Variants in CLEC4F observed in about 807,000 individuals in gnomAD.
CLEC4F encodes the protein C-type (calcium dependent, carbohydrate-recognition domain) lectin, superfamily member 13.
In CLEC4F, 45 loss-of-function variants were observed where a neutral mutation model predicts 53.4. The ratio of observed to expected loss-of-function variants is 0.84; its 90% CI spans 0.66 to 1.08. The LOEUF (loss-of-function observed/expected upper bound fraction) is 1.08. Among genes scored for constraint, CLEC4F ranks in the 50% least tolerant of loss-of-function variants. CLEC4F has a pLI of 0.00. For missense variants in CLEC4F, 753 were observed against 698.2 expected (o/e 1.08, Z -0.88); for synonymous variants, 245 against 257.5 (o/e 0.95, Z 0.46).
At chr2:70,822,987 T>C (rs1297610505), upstream of CLEC4F, among the ~76,000 whole-genome samples, 1 of 152,202 alleles carries the variant, frequency 6.6e-6, no homozygotes, top group African/African-American at 2.4e-5. Flanking sequence ...GAGAACAGCT[T>C]TGGCCCAGGA....
chr2:70,815,888 G>T, intron 4 of CLEC4F, 106 bp downstream of exon 4: 1 of 1,241,300 alleles, frequency 8.1e-7, no homozygotes, highest in Non-Finnish European at 1.1e-6. Context: ...CCTGGATTTG[G>T]TCAAGGAGAT....
chr2:70,819,273 C>T (rs1370146900), intron 3 of CLEC4F, 82 bp downstream of exon 3: 39 of 1,065,478 alleles, frequency 3.7e-5, no homozygotes, highest in African/African-American at 6.2e-5. Context: ...TCAGAGGGTA[C>T]CAGGAGAGAA....
chr2:70,824,071 G>A (rs1283246769), upstream of CLEC4F, among the ~76,000 whole-genome samples: 1 of 151,288 alleles, frequency 6.6e-6, no homozygotes, highest in Non-Finnish European at 1.5e-5. Context: ...TCTACTTGGT[G>A]GGACTAAAGC....
rs202247326 is a variant in CLEC4F, at chr2:70,812,611, T to C, written c.1388-13A>G. 4.3e-5 allele frequency: 69 copies of C among 1,613,306 alleles called. No individual in the cohort carries two copies. The highest frequency in any genetic ancestry group is 4.8e-5 in the Non-Finnish European group (57 of 1,179,800). ...TGGAGAAGCTGACCTGGAGCAAAGA[T>C]TGGGGAGAAAAGAGAACCAGGAGCT... On this transcript the variant is annotated splice_polypyrimidine_tract_variant and intron_variant, in intron 4 of 6. Coordinates refer to ENST00000272367, the MANE Select transcript of CLEC4F (RefSeq NM_173535.3).
At position 70,816,626 on chromosome 2, in the gene CLEC4F, G is replaced by A. The variant is rs1574377781; in HGVS notation, c.755C>T (p.Ala252Val). The A allele has an allele frequency of 6.2e-7, 1 of 1,614,150 alleles. No individual in the cohort carries two copies. Among genetic ancestry groups the A allele is most frequent in the Non-Finnish European group, 8.5e-7 (1 of 1,180,046 alleles). The change falls in exon 4 of 7, where the codon GCT becomes GTT. Residue 252 changes from alanine to valine, a missense_variant. Physicochemically the swap from Ala to Val is moderately conservative, Grantham distance 64. Transcript: ENST00000272367. ...ATGGCCTCTCAAAACATAGATCTCA[G>A]CATTAGCGTTCTTTAAACTGCTATT... ...LANSSLKNANAEIYVLRGHLD... is the reference protein window; with the variant it reads ...LANSSLKNANVEIYVLRGHLD...
intron 5 of CLEC4F, chr2:70,810,813 C>A (rs1676516848): frequency 3.8e-6 from 2 of 525,732 alleles, no homozygotes; most frequent in Non-Finnish European, 3.7e-6. Flanking sequence ...CTTCACTTTC[C>A]CCAGAAATTG....
At position 70,816,755 on chromosome 2, in the gene CLEC4F, C is replaced by T; in HGVS notation, c.626G>A (p.Ser209Asn). The T allele has an allele frequency of 6.2e-7, 1 of 1,614,134 alleles. No individual in the cohort carries two copies. Among genetic ancestry groups the T allele is most frequent in the Non-Finnish European group, 8.5e-7 (1 of 1,180,028 alleles). The change falls in exon 4 of 7, where the codon AGC becomes AAC. Residue 209 changes from serine to asparagine, a missense_variant. Physicochemically the swap from Ser to Asn is conservative, Grantham distance 46. Transcript: ENST00000272367. The part of the protein sequence containing the change: ...NFLKSSLENT[S>N]IELHVLSRGL... ...TCTGCTTAGCACGTGGAGCTCAATGCTGGTGTTTTCTAAACTGCTTTTTAA... is the reference window on the plus strand; with the variant it reads ...TCTGCTTAGCACGTGGAGCTCAATGTTGGTGTTTTCTAAACTGCTTTTTAA...
chr2:70,809,801 C>T lies in CLEC4F; in HGVS notation c.1596G>A (p.Arg532=). ...TCCAGCGCCAGGAGCCCTCTGTGCC[C>T]CTGTCAGTGAGACCGATCCAGTAGT... ...KVYYWIGLTD[R]GTEGSWRWTD... Residue 532 remains arginine, a synonymous_variant, in exon 6 of 7, where the codon AGG becomes AGA. Transcript: ENST00000272367. 10 of 1,614,174 alleles carry T rather than the reference C, an allele frequency of 6.2e-6. No homozygotes were observed. Among genetic ancestry groups the T allele is most frequent in the South Asian group, 1.1e-5 (1 of 91,082 alleles).
At chr2:70,817,233 C>A in intron 3 of CLEC4F, 121 bp from the exon 4 acceptor site, 1 of 1,050,226 alleles carries the variant, frequency 9.5e-7, no homozygotes, top group Non-Finnish European at 1.3e-6. Context: ...GCCCTCAGTG[C>A]TCCCCCAAGC....
chr2:70,825,201 C>T (rs1677316881), upstream of CLEC4F, among the ~76,000 whole-genome samples: 2 of 152,146 alleles, frequency 1.3e-5, no homozygotes. Flanking sequence ...TACAAAGTAC[C>T]TGACCAGTGG....
intron 4 of CLEC4F, among the ~76,000 whole-genome samples, chr2:70,815,015 G>T (rs1553395434): frequency 6.6e-6 from 1 of 152,062 alleles, no homozygotes; most frequent in African/African-American, 2.4e-5. Flanking sequence ...TGAAGAAGTG[G>T]GGCCTCTGAC....
intron 1 of CLEC4F, among the ~76,000 whole-genome samples, chr2:70,820,252 C>T (rs1309947662): frequency 6.6e-6 from 1 of 152,196 alleles, no homozygotes; most frequent in Non-Finnish European, 1.5e-5. Flanking sequence ...AGGGAGGCCT[C>T]ACAGGACCAG....
intron 3 of CLEC4F, among the ~76,000 whole-genome samples, chr2:70,818,601 C>T (rs1245661213): frequency 6.6e-6 from 1 of 151,930 alleles, no homozygotes; most frequent in Non-Finnish European, 1.5e-5. Context: ...GTCCTAGCTA[C>T]TCCAGAGGCT....
rs376833956 is a variant in CLEC4F at position 70,819,375 on chromosome 2, T to G, written c.248A>C (p.His83Pro). The G allele has an allele frequency of 2.5e-6, 4 of 1,613,916 alleles. No homozygotes were observed. The highest frequency in any genetic ancestry group is 3.4e-6 in the Non-Finnish European group (4 of 1,179,998). The change falls in exon 3 of 7, where the codon CAT becomes CCT. Residue 83 changes from histidine to proline, a missense_variant. Coordinates refer to ENST00000272367, the MANE Select transcript of CLEC4F (RefSeq NM_173535.3). ...AVILGDNITG[H>P]LPFEPNNHHH... The stretch of plus-strand genomic sequence containing the variant: ...CTCACTGTTGGGTTCAAAAGGTAAA[T>G]GCCCAGTAATGTTGTCTCCCAGAAT...
At chr2:70,823,042 C>T (rs7575952), upstream of CLEC4F, among the ~76,000 whole-genome samples, 93,314 of 152,076 alleles carry the variant, frequency 0.61, 29,124 homozygotes, top group Middle Eastern at 0.71. Flanking sequence ...GCAAGCAAGT[C>T]GCCCCGTGGG....
chr2:70,817,214 T>G, intron 3 of CLEC4F, 102 bp from the exon 4 acceptor site: 6 of 1,241,584 alleles, frequency 4.8e-6, no homozygotes, highest in African/African-American at 1.5e-5. Flanking sequence ...GGGAAATGGG[T>G]ACTGCACAGC....
upstream of CLEC4F, among the ~76,000 whole-genome samples, chr2:70,823,688 A>C (rs943615074): frequency 4.6e-5 from 7 of 152,136 alleles, no homozygotes; most frequent in African/African-American, 1.4e-4. Flanking sequence ...CTATGTCTTC[A>C]CTGAGAGGCT....
At chr2:70,813,547 CTTTCT>C (rs1676690265) in intron 4 of CLEC4F, among the ~76,000 whole-genome samples, 1 of 146,960 alleles carries the variant, frequency 6.8e-6, no homozygotes, top group East Asian at 2.0e-4. Context: ...TTTTTTCTTT[CTTTCT>C]TTTTTTCTTT....
rs1553394931 is a variant in CLEC4F at position 70,813,597 on chromosome 2, C to CTTTCTTTCTTTCTTTCTTTCTT, written c.1388-1000_1388-999insAAGAAAGAAAGAAAGAAAGAAA. 9.5e-4 allele frequency among the ~76,000 whole-genome samples: 101 copies of CTTTCTTTCTTTCTTTCTTTCTT among 106,276 alleles called. 1 individual carries two copies. The highest frequency in any genetic ancestry group is 1.1e-3 in the Non-Finnish European group (61 of 53,644). The allele number at this position is 106,276 out of a possible 152,430, so 69.7% of individuals were successfully genotyped here. ...TCTTTTTCTTTCTCTCTCTTTCTTTCTCTTTCTTTCTTTCTTTCTTTCTTT... is the reference window on the plus strand; with the variant it reads ...TCTTTTTCTTTCTCTCTCTTTCTTTCTTTCTTTCTTTCTTTCTTTCTTTCTTTCTTTCTTTCTTTCTTTCTTT... On this transcript the variant is annotated intron_variant, in intron 4 of 6. Transcript: ENST00000272367.
Sources: allele counts gnomAD v4.1 joint callset (sites outside exome capture counted in the v4.1 genomes callset), GRCh38; gene constraint gnomAD v4.1.1; transcripts MANE v1.5; gene names NCBI Gene and HGNC (gene_info 2026-07-23, HGNC 2026-07-21).